CMIP: variants seen among roughly 807,000 people sequenced by gnomAD.
The protein encoded by CMIP is c-Maf inducing protein.
A neutral mutation model predicts 97.3 loss-of-function variants in CMIP; 13 were observed. The observed-to-expected ratio is 0.13, with a 90% CI of 0.09 to 0.21. The LOEUF is 0.21. Among genes scored for constraint, CMIP ranks in the 10% least tolerant of loss-of-function variants. The pLI is 1.00. For synonymous variants in CMIP, 538 were observed against 436.3 expected, an observed-to-expected ratio of 1.23 and a Z score of -2.91; for missense variants, 847 against 1,024.9, an observed-to-expected ratio of 0.83 and a Z score of 2.37.
intron 1 of CMIP, among the ~76,000 whole-genome samples, chr16:81,584,039 C>G (rs1345429414): frequency 1.3e-5 from 2 of 152,292 alleles, no homozygotes; most frequent in East Asian, 3.9e-4. Context: ...GGGCAAGAAG[C>G]AGCTGGCTCT....
intron 9 of CMIP, among the ~76,000 whole-genome samples, chr16:81,673,986 C>A (rs565382111): frequency 6.6e-6 from 1 of 152,312 alleles, no homozygotes; most frequent in Non-Finnish European, 1.5e-5. Context: ...GGGGGGATTT[C>A]TCAAACAAAT....
intron 9 of CMIP, among the ~76,000 whole-genome samples, chr16:81,675,286 C>T (rs1448834124): frequency 6.6e-6 from 1 of 152,160 alleles, no homozygotes; most frequent in Non-Finnish European, 1.5e-5. Context: ...TCACTGCAAC[C>T]TCTGCCTCCT....
chr16:81,570,461 A>AT (rs923612325), intron 1 of CMIP, among the ~76,000 whole-genome samples: 5 of 152,028 alleles, frequency 3.3e-5, no homozygotes, highest in Non-Finnish European at 4.4e-5. Context: ...GCCTCGGTGT[A>AT]TTTTTTTAGT....
At chr16:81,665,817 G>A (rs974308181) in intron 7 of CMIP, 1 of 151,842 alleles carries the variant, frequency 6.6e-6, no homozygotes, top group Non-Finnish European at 1.5e-5. Context: ...ATCAATTATA[G>A]CACTCTTTCT....
intron 1 of CMIP, among the ~76,000 whole-genome samples, chr16:81,503,454 G>A (rs1281771368): frequency 1.3e-5 from 2 of 152,124 alleles, no homozygotes; most frequent in African/African-American, 4.8e-5. Flanking sequence ...GGAGTGCAGT[G>A]GCAACAATTA....
chr16:81,680,222 C>T (rs1181001875), intron 10 of CMIP, among the ~76,000 whole-genome samples: 2 of 152,218 alleles, frequency 1.3e-5, no homozygotes, highest in African/African-American at 4.8e-5. Flanking sequence ...CCCTGAGCCC[C>T]TGTGTCGTCA....
intron 1 of CMIP, among the ~76,000 whole-genome samples, chr16:81,545,851 C>T (rs990788384): frequency 6.6e-6 from 1 of 152,146 alleles, no homozygotes; most frequent in Non-Finnish European, 1.5e-5. Context: ...GTCTGGGTCT[C>T]GGCTGAATGA....
intron 3 of CMIP, among the ~76,000 whole-genome samples, chr16:81,640,350 T>A (rs942821220): frequency 6.7e-6 from 1 of 148,992 alleles, no homozygotes; most frequent in Non-Finnish European, 1.5e-5. Context: ...GCTCCCACTT[T>A]CTCAACCACA....
At chr16:81,708,004 C>A (rs1908341088) in intron 20 of CMIP, among the ~76,000 whole-genome samples, 1 of 152,286 alleles carries the variant, frequency 6.6e-6, no homozygotes, top group African/African-American at 2.4e-5. Flanking sequence ...CTGGGGCATC[C>A]TCCAGATGCT....
intron 20 of CMIP, among the ~76,000 whole-genome samples, chr16:81,707,362 A>T (rs1352715159): frequency 6.6e-6 from 1 of 152,224 alleles, no homozygotes; most frequent in East Asian, 1.9e-4. Flanking sequence ...AGCCAGAAAT[A>T]CCAAGGGCGA....
intron 7 of CMIP, 75 bp downstream of exon 7, chr16:81,664,424 C>A: frequency 1.4e-6 from 2 of 1,401,086 alleles, no homozygotes; most frequent in Non-Finnish European, 2.0e-6. Flanking sequence ...TGGCCTTTTG[C>A]GTTGGCACAG....
intron 1 of CMIP, among the ~76,000 whole-genome samples, chr16:81,480,144 G>A (rs992890837): frequency 2.6e-5 from 4 of 152,146 alleles, no homozygotes; most frequent in African/African-American, 9.7e-5. Context: ...TATTTCCTTG[G>A]GTCATAGCAG....
intron 1 of CMIP, among the ~76,000 whole-genome samples, chr16:81,475,260 G>T (rs1022793493): frequency 2.0e-5 from 3 of 151,988 alleles, no homozygotes; most frequent in Non-Finnish European, 4.4e-5. Flanking sequence ...TTCTCCCTTT[G>T]CTTTTAAAAT....
intron 16 of CMIP, 37 bp from the exon 17 acceptor site, chr16:81,702,585 A>T: frequency 6.2e-7 from 1 of 1,603,726 alleles, no homozygotes; most frequent in Admixed American, 1.7e-5. Flanking sequence ...AAACTTGGGG[A>T]AAAGAATGGT....
chr16:81,589,735 C>T (rs1403720429), intron 1 of CMIP, among the ~76,000 whole-genome samples: 1 of 151,856 alleles, frequency 6.6e-6, no homozygotes, highest in Non-Finnish European at 1.5e-5. Context: ...AGATAAAATG[C>T]ATACAGAGAA....
intron 1 of CMIP, among the ~76,000 whole-genome samples, chr16:81,555,579 A>G (rs534473841): frequency 1.3e-5 from 2 of 152,264 alleles, no homozygotes; most frequent in East Asian, 3.9e-4. Context: ...GGGCCTTGCC[A>G]TTTGGGCATT....
rs1393949224 is a variant in CMIP, at chr16:81,696,742, TC to T, written c.1638+80del. 5.1e-6 allele frequency: 7 copies of T among 1,372,160 alleles called. No homozygotes were observed. The East Asian group carries it at 1.7e-4, about 33-fold the overall frequency. The allele number at this position is 1,372,160 out of a possible 1,614,324, so 85.0% of individuals were successfully genotyped here. On this transcript the variant is annotated intron_variant, in intron 14 of 20. Transcript: ENST00000537098. ...CCATGCCTGACTAGTAAAACAGCCG[TC>T]CCCCATCCCCTGGGGCCAGCCCCGG...
chr16:81,572,330 G>C (rs1371157829), intron 1 of CMIP, among the ~76,000 whole-genome samples: 5 of 152,222 alleles, frequency 3.3e-5, no homozygotes, highest in Non-Finnish European at 5.9e-5. Context: ...CTGTTTCTGT[G>C]AATGAACGCG....
intron 1 of CMIP, chr16:81,464,883 A>G (rs992112638): frequency 5.9e-5 from 9 of 152,200 alleles, no homozygotes; most frequent in Non-Finnish European, 8.8e-5. Flanking sequence ...AGCACATGCC[A>G]GAATTTCCTT....
Sources: allele counts gnomAD v4.1 joint callset (sites outside exome capture counted in the v4.1 genomes callset), GRCh38; gene constraint gnomAD v4.1.1; transcripts MANE v1.5; gene names NCBI Gene and HGNC (gene_info 2026-07-23, HGNC 2026-07-21).